The following EDARADD variants were observed in gnomAD, a reference collection of about 807,000 sequenced individuals.
The protein encoded by EDARADD is EDAR associated via death domain, also known as ectodysplasin-A receptor-associated adapter protein.
In EDARADD, 20 loss-of-function variants were observed where a neutral mutation model predicts 25.6. The ratio of observed to expected loss-of-function variants is 0.78; its 90% CI spans 0.55 to 1.14. EDARADD has a LOEUF of 1.14. Ranked by LOEUF, EDARADD falls within the 50% of genes most tolerant of loss-of-function variation. The pLI is 0.00. For synonymous variants in EDARADD, 86 were observed against 94.4 expected (o/e 0.91, Z 0.52); for missense variants, 225 against 270.1 (o/e 0.83, Z 1.17).
At chr1:236,481,778 C>CA (rs36104533) in intron 5 of EDARADD, among the ~76,000 whole-genome samples, 11,032 of 93,178 alleles carry the variant, frequency 0.12, 657 homozygotes, top group African/African-American at 0.14. Flanking sequence ...CACCCTGTAT[C>CA]AAAAAAAAAA....
At chr1:236,405,822 T>TTCCTTCCTTCCTTCCTTCC (rs1667711688) in intron 1 of EDARADD, among the ~76,000 whole-genome samples, 1 of 55,392 alleles carries the variant, frequency 1.8e-5, no homozygotes, top group East Asian at 8.0e-4. Context: ...CCTTCCTTCC[T>TTCCTTCCTTCCTTCCTTCC]TTCCTTCCTT....
At position 236,394,325 on chromosome 1, in the gene EDARADD, C is replaced by T. The variant is rs1291582703; in HGVS notation, c.-120C>T. 4.5e-6 allele frequency: 5 copies of T among 1,121,050 alleles called. No homozygotes were observed. Among genetic ancestry groups the T allele is most frequent in the Non-Finnish European group, 6.7e-6 (5 of 742,992 alleles). The allele number at this position is 1,121,050 out of a possible 1,614,324, so 69.4% of individuals were successfully genotyped here. On this transcript the variant is annotated 5_prime_UTR_variant, in exon 1 of 6. Transcript: ENST00000334232. ...TTTATCCTCCCACCTACAAATTCCC[C>T]AGAGAGCTTTCATCTAGAAGGTTTG...
intron 2 of EDARADD, among the ~76,000 whole-genome samples, chr1:236,410,118 G>T (rs566403056): frequency 6.6e-6 from 1 of 152,078 alleles, no homozygotes; most frequent in South Asian, 2.1e-4. Flanking sequence ...CAGATTCCAT[G>T]GGTACGTATG....
chr1:236,395,277 A>ACG lies in EDARADD; in HGVS notation c.61+778_61+779dup. On this transcript the variant is annotated intron_variant, in intron 1 of 5. Transcript: ENST00000334232. The surrounding 1 kb of genome is among the most constrained non-coding windows in gnomAD (Gnocchi z 6.9). Reference sequence around the variant, plus strand: ...CAGGGGGACGTGGGTACCGGGCAGGACGCGCGCTCTGGGCGCTGGGGACGC... The same window carrying ACG: ...CAGGGGGACGTGGGTACCGGGCAGGACGCGCGCGCTCTGGGCGCTGGGGACGC... The ACG allele has an allele frequency of 9.8e-7, 1 of 1,020,576 alleles. No homozygotes were observed. The highest frequency in any genetic ancestry group is 1.2e-6 in the Non-Finnish European group (1 of 804,212). The allele number at this position is 1,020,576 out of a possible 1,614,324, so 63.2% of individuals were successfully genotyped here.
At chr1:236,406,229 A>T (rs1400462813) in intron 1 of EDARADD, among the ~76,000 whole-genome samples, 1 of 152,018 alleles carries the variant, frequency 6.6e-6, no homozygotes, top group East Asian at 1.9e-4. Flanking sequence ...ACTTCGGGCT[A>T]TTTTGTGGTG....
chr1:236,480,625 C>A (rs1659647364), intron 5 of EDARADD, among the ~76,000 whole-genome samples: 1 of 152,080 alleles, frequency 6.6e-6, no homozygotes, highest in Non-Finnish European at 1.5e-5. Context: ...GCTACTATAA[C>A]CTTCCCCAGA....
intron 5 of EDARADD, among the ~76,000 whole-genome samples, chr1:236,475,232 T>C (rs2103038768): frequency 6.6e-6 from 1 of 152,354 alleles, no homozygotes; most frequent in Admixed American, 6.5e-5. Flanking sequence ...GTCTGAAGTC[T>C]TTCTCTCCCC....
intron 4 of EDARADD, among the ~76,000 whole-genome samples, chr1:236,441,820 G>A (rs572638630): frequency 1.7e-3 from 253 of 152,150 alleles, no homozygotes; most frequent in Middle Eastern, 0.014. Flanking sequence ...GTGAGTCACC[G>A]CACCCGGCCT....
At chr1:236,358,693 C>T (rs1284432592) in intron 3 of EDARADD, among the ~76,000 whole-genome samples, 4 of 152,176 alleles carry the variant, frequency 2.6e-5, no homozygotes, top group Non-Finnish European at 5.9e-5. Context: ...GAGTGAGTTT[C>T]TTAATCTTGA....
At chr1:236,433,582 A>G (rs948903417) in intron 4 of EDARADD, among the ~76,000 whole-genome samples, 3 of 151,834 alleles carry the variant, frequency 2.0e-5, no homozygotes, top group Non-Finnish European at 4.4e-5. Context: ...AAGTGTTGGG[A>G]TTACAGGCGT....
chr1:236,352,712 G>T (rs927389543), intron 3 of EDARADD, among the ~76,000 whole-genome samples: 1 of 152,120 alleles, frequency 6.6e-6, no homozygotes, highest in Non-Finnish European at 1.5e-5. Context: ...GCCGGGCGTG[G>T]TGGTGGGCAC....
chr1:236,405,903 TTCTTTCTTTCTTTCTTTCTTTC>T (rs796279921), intron 1 of EDARADD, among the ~76,000 whole-genome samples: 524 of 50,344 alleles, frequency 0.01, 17 homozygotes, highest in Non-Finnish European at 0.015. Flanking sequence ...CTTTCTTTCT[TTCTTTCTTTCTTTCTTTCTTTC>T]TCTTTCCTTT....
At chr1:236,364,547 T>G (rs1667089216) in intron 3 of EDARADD, among the ~76,000 whole-genome samples, 1 of 152,242 alleles carries the variant, frequency 6.6e-6, no homozygotes, top group Non-Finnish European at 1.5e-5. Flanking sequence ...ACTTCACCAT[T>G]TATTCATATC....
chr1:236,477,352 A>G (rs578159651), intron 5 of EDARADD, among the ~76,000 whole-genome samples: 50 of 152,160 alleles, frequency 3.3e-4, no homozygotes, highest in Admixed American at 8.5e-4. Context: ...CGTCTCTACT[A>G]AAAATACAAA....
chr1:236,409,728 ATT>A (rs535740043), intron 2 of EDARADD, among the ~76,000 whole-genome samples: 11 of 141,304 alleles, frequency 7.8e-5, no homozygotes, highest in Admixed American at 1.4e-4. Context: ...TGCCTGGCTA[ATT>A]TTTTTTTTTT....
rs554156151 is a variant in EDARADD, at chr1:236,363,107, G to A, written c.-6+12268G>A. ...TGCTCTCAAACTCCTGGCCTCAAGTGATCTCCTGCCTTGGCCTCCCAAAGT... is the reference window on the plus strand; with the variant it reads ...TGCTCTCAAACTCCTGGCCTCAAGTAATCTCCTGCCTTGGCCTCCCAAAGT... On this transcript the variant is annotated intron_variant, in intron 3 of 7. Coordinates refer to the EDARADD transcript ENST00000439430. Among the ~76,000 whole-genome samples, 30 of 143,818 alleles carry A rather than the reference G, an allele frequency of 2.1e-4. 1 individual carries two copies. In the South Asian group the frequency reaches 6.0e-3, roughly 29 times the overall value. 94.4% of individuals were successfully genotyped at this position (143,818 alleles called of 152,430 possible). A position where few individuals can be genotyped will look rare whatever the true frequency, so the allele number is the denominator to read the frequency against.
At chr1:236,366,786 A>G (rs1457154491) in intron 3 of EDARADD, among the ~76,000 whole-genome samples, 1 of 148,016 alleles carries the variant, frequency 6.8e-6, no homozygotes, top group African/African-American at 2.5e-5. Flanking sequence ...TGCTTAATGT[A>G]GAGTGTCTGG....
At chr1:236,383,082 C>G (rs2089127851) in intron 3 of EDARADD, among the ~76,000 whole-genome samples, 1 of 152,068 alleles carries the variant, frequency 6.6e-6, no homozygotes, top group African/African-American at 2.4e-5. Flanking sequence ...TGTCCTTTCT[C>G]TGCGCTGCAA....
At chr1:236,436,959 C>G (rs879414244) in intron 4 of EDARADD, among the ~76,000 whole-genome samples, 8 of 152,202 alleles carry the variant, frequency 5.3e-5, no homozygotes, top group Non-Finnish European at 1.2e-4. Flanking sequence ...GGTGAAACAT[C>G]CATTCATCCC....
Sources: gnomAD v4.1 joint callset for allele counts (sites outside exome capture counted in the v4.1 genomes callset) on GRCh38, gnomAD v4.1.1 for gene constraint, Gnocchi (gnomAD v3.1) non-coding constraint, MANE v1.5 for transcripts, NCBI Gene and HGNC (gene_info 2026-07-23, HGNC 2026-07-21) for gene names.